DAPL1: variants seen among roughly 807,000 people sequenced by gnomAD.
DAPL1 encodes death associated protein like 1.
Under a neutral mutation model 12.9 loss-of-function variants are expected in DAPL1, and 17 were observed. The ratio of observed to expected loss-of-function variants is 1.32; its 90% confidence interval spans 0.90 to 1.98. The LOEUF (loss-of-function observed/expected upper bound fraction) is 1.98. Among genes scored for constraint, DAPL1 ranks in the 30% most tolerant of loss-of-function variants. The probability of loss-of-function intolerance (pLI) is 0.00; values close to 1 mark genes in which losing one functional copy is unlikely to be tolerated. For synonymous variants in DAPL1, 51 were observed against 42.0 expected, an observed-to-expected ratio of 1.21 and a Z score of -0.82; for missense variants, 157 against 125.7, an observed-to-expected ratio of 1.25 and a Z score of -1.19.
intron 3 of DAPL1, among the ~76,000 whole-genome samples, chr2:158,808,310 A>G (rs2059212923): frequency 6.6e-6 from 1 of 152,204 alleles, no homozygotes; most frequent in Admixed American, 6.5e-5. Context: ...TATGGCCTTG[A>G]GCAAGTTATT....
chr2:158,814,005 T>G (rs1330851839), intron 3 of DAPL1, among the ~76,000 whole-genome samples: 1 of 152,312 alleles, frequency 6.6e-6, no homozygotes, highest in South Asian at 2.1e-4. Flanking sequence ...TATATCAGAG[T>G]TTTTTTGTTT....
In DAPL1 at chr2:158,800,081, A is replaced by AAAT. The variant is rs1553492202; in HGVS notation, c.59-4201_59-4200insAAT. On this transcript the variant is annotated intron_variant, in intron 1 of 3. Coordinates refer to ENST00000309950, the MANE Select transcript of DAPL1 (RefSeq NM_001017920.3). ...CCATCTCAAAAAAAAAAAAAAAAAAATTTGGCATTTATTTCTTTGTTAAAT... is the reference window on the plus strand; with the variant it reads ...CCATCTCAAAAAAAAAAAAAAAAAAAAATTTTGGCATTTATTTCTTTGTTAAAT... 6.4e-4 allele frequency among the ~76,000 whole-genome samples: 93 copies of AAAT among 145,264 alleles called. 4 individuals carry two copies. Among genetic ancestry groups the AAAT allele is most frequent in the Non-Finnish European group, 7.8e-4 (52 of 66,648 alleles).
chr2:158,800,877 T>C (rs1259263121), intron 1 of DAPL1, among the ~76,000 whole-genome samples: 5 of 152,150 alleles, frequency 3.3e-5, no homozygotes, highest in African/African-American at 9.7e-5. Flanking sequence ...TCTCACTCTG[T>C]CACCCAGGCT....
intron 3 of DAPL1, among the ~76,000 whole-genome samples, chr2:158,810,970 G>A (rs1298227756): frequency 1.3e-5 from 2 of 152,228 alleles, no homozygotes; most frequent in East Asian, 1.9e-4. Flanking sequence ...TTTTAAGGCA[G>A]GGAGTGAACA....
At chr2:158,801,251 G>A (rs890401969) in intron 1 of DAPL1, among the ~76,000 whole-genome samples, 5 of 152,114 alleles carry the variant, frequency 3.3e-5, no homozygotes, top group Non-Finnish European at 5.9e-5. Flanking sequence ...AAAGCAAAAG[G>A]AACACTAACA....
At chr2:158,810,216 A>T (rs1046627424) in intron 3 of DAPL1, among the ~76,000 whole-genome samples, 1 of 152,250 alleles carries the variant, frequency 6.6e-6, no homozygotes, top group Non-Finnish European at 1.5e-5. Flanking sequence ...TAAAAGATAC[A>T]GACATACAGG....
chr2:158,815,571 A>G (rs1439588785), intron 3 of DAPL1, 134 bp from the exon 4 acceptor site: 2 of 699,252 alleles, frequency 2.9e-6, no homozygotes, highest in African/African-American at 3.5e-5. Context: ...TAGTATGGAA[A>G]AAAAGAGATA....
In DAPL1 at chr2:158,815,711, T is replaced by C. The variant is rs2105159124; in HGVS notation, c.214T>C (p.Tyr72His). The change falls in exon 4 of 4, where the codon TAT becomes CAT. Residue 72 changes from tyrosine to histidine, a missense_variant. Tyr to His is a moderately conservative substitution (Grantham distance 83). Transcript: ENST00000309950. ...CTTCCCTTCTCACCTTTAGCTCAACTATAAATTTCCAGCAACAGTGCACAT... is the reference window on the plus strand; with the variant it reads ...CTTCCCTTCTCACCTTTAGCTCAACCATAAATTTCCAGCAACAGTGCACAT... Reference protein sequence around the residue: ...ALNDALEKLNYKFPATVHMAH... With the variant: ...ALNDALEKLNHKFPATVHMAH... 6.2e-7 allele frequency: 1 copy of C among 1,610,176 alleles called. No individual in the cohort carries two copies. The highest frequency in any genetic ancestry group is 8.5e-7 in the Non-Finnish European group (1 of 1,176,312).
chr2:158,809,440 G>A (rs1307947761), intron 3 of DAPL1, among the ~76,000 whole-genome samples: 2 of 151,908 alleles, frequency 1.3e-5, no homozygotes, highest in Non-Finnish European at 2.9e-5. Context: ...GTTTAGTGGA[G>A]TAGGACTGTG....
chr2:158,798,340 C>A (rs913302440), intron 1 of DAPL1, among the ~76,000 whole-genome samples: 2 of 152,120 alleles, frequency 1.3e-5, no homozygotes, highest in Non-Finnish European at 2.9e-5. Flanking sequence ...ATTTGAAAAC[C>A]CTCACACACT....
At position 158,795,355 on chromosome 2, in the gene DAPL1, C is replaced by T; in HGVS notation, c.-18C>T. The stretch of plus-strand genomic sequence containing the variant: ...AGCCTCCAGAGCACCAGCACTGGCA[C>T]TGGCACTGGCACACGCTATGGCAAA... On this transcript the variant is annotated 5_prime_UTR_variant, in exon 1 of 4. Coordinates refer to ENST00000309950, the MANE Select transcript of DAPL1 (RefSeq NM_001017920.3). The T allele has an allele frequency of 1.3e-6, 2 of 1,553,258 alleles. No homozygotes were observed. The highest frequency in any genetic ancestry group is 1.7e-6 in the Non-Finnish European group (2 of 1,147,806).
chr2:158,814,396 C>T (rs1404297364), intron 3 of DAPL1, among the ~76,000 whole-genome samples: 1 of 151,994 alleles, frequency 6.6e-6, no homozygotes, highest in African/African-American at 2.4e-5. Context: ...AGAGATAATC[C>T]TTGGGCTTAA....
chr2:158,815,440 A>G (rs1392972992), intron 3 of DAPL1, among the ~76,000 whole-genome samples: 1 of 152,254 alleles, frequency 6.6e-6, no homozygotes, highest in Non-Finnish European at 1.5e-5. Flanking sequence ...CAGAGAACTG[A>G]TGCAGACATA....
chr2:158,811,918 A>G (rs908759819), intron 3 of DAPL1, among the ~76,000 whole-genome samples: 15 of 152,206 alleles, frequency 9.9e-5, no homozygotes, highest in Non-Finnish European at 1.9e-4. Flanking sequence ...TTGAAAATAA[A>G]CTTTTCCTAT....
intron 1 of DAPL1, among the ~76,000 whole-genome samples, 184 bp from the exon 2 acceptor site, chr2:158,804,098 C>T (rs947669198): frequency 6.6e-6 from 1 of 151,380 alleles, no homozygotes; most frequent in Non-Finnish European, 1.5e-5. Context: ...TCAGCCCTTC[C>T]TCCACCCACA....
At chr2:158,806,964 A>G in intron 2 of DAPL1, 91 bp from the exon 3 acceptor site, 1 of 939,416 alleles carries the variant, frequency 1.1e-6, no homozygotes. Context: ...AAAGCATAAA[A>G]GGCTGGAGAG....
At chr2:158,803,136 G>C (rs191708744) in intron 1 of DAPL1, among the ~76,000 whole-genome samples, 3 of 152,232 alleles carry the variant, frequency 2.0e-5, no homozygotes, top group Non-Finnish European at 2.9e-5. Context: ...TAAAACCTGA[G>C]TGTATGTGTA....
At chr2:158,803,525 C>G (rs765734956) in intron 1 of DAPL1, among the ~76,000 whole-genome samples, 1 of 152,134 alleles carries the variant, frequency 6.6e-6, no homozygotes, top group Non-Finnish European at 1.5e-5. Context: ...TTCCTGGGAA[C>G]AGAAAAAAAG....
intron 1 of DAPL1, among the ~76,000 whole-genome samples, chr2:158,799,647 T>C (rs2059155126): frequency 6.6e-6 from 1 of 152,116 alleles, no homozygotes; most frequent in Non-Finnish European, 1.5e-5. Flanking sequence ...CTAGGGATAT[T>C]ATCTTCCGCT....
Sources: gnomAD v4.1 joint callset for allele counts (sites outside exome capture counted in the v4.1 genomes callset) on GRCh38, gnomAD v4.1.1 for gene constraint, MANE v1.5 for transcripts, NCBI Gene and HGNC (gene_info 2026-07-23, HGNC 2026-07-21) for gene names.